The following SCIMP variants were observed in gnomAD, a reference collection of about 807,000 sequenced individuals.
SCIMP encodes the protein SLP adapter and CSK-interacting membrane protein.
In SCIMP, 18 loss-of-function variants were observed where a neutral mutation model predicts 22.0. That is an observed-to-expected ratio of 0.82 (90% CI 0.56 to 1.21). SCIMP has a LOEUF of 1.21. Among genes scored for constraint, SCIMP ranks in the 50% most tolerant of loss-of-function variants. The pLI, the probability that SCIMP is intolerant of heterozygous loss-of-function variation, is 0.00. For synonymous variants in SCIMP, 53 were observed against 62.2 expected (o/e 0.85, Z 0.70); for missense variants, 155 against 171.2 (o/e 0.91, Z 0.53).
intron 3 of SCIMP, among the ~76,000 whole-genome samples, chr17:5,218,587 G>C (rs1007182742): frequency 2.6e-5 from 4 of 151,990 alleles, no homozygotes; most frequent in African/African-American, 9.7e-5. Context: ...TGATCTGCCT[G>C]CATCGGCCTC....
chr17:5,217,075 C>T (rs1598158369), intron 3 of SCIMP, among the ~76,000 whole-genome samples: 1 of 152,056 alleles, frequency 6.6e-6, no homozygotes, highest in African/African-American at 2.4e-5. Context: ...GCTCCACCGG[C>T]GGCTCTCACC....
intron 1 of SCIMP, among the ~76,000 whole-genome samples, chr17:5,226,738 A>C (rs1001084486): frequency 3.3e-5 from 5 of 151,846 alleles, no homozygotes; most frequent in Non-Finnish European, 7.4e-5. Context: ...CGAACTCCTG[A>C]CCTCAGGTGA....
At chr17:5,224,449 T>C (rs1597291177) in intron 1 of SCIMP, among the ~76,000 whole-genome samples, 1 of 136,258 alleles carries the variant, frequency 7.3e-6, no homozygotes, top group African/African-American at 3.4e-5. Flanking sequence ...TTTTTTTGTT[T>C]GTTTGTTTGT....
At chr17:5,223,734 G>C in intron 1 of SCIMP, 1 of 373,130 alleles carries the variant, frequency 2.7e-6, no homozygotes, top group Non-Finnish European at 5.1e-6. Flanking sequence ...ATTTTTAGTA[G>C]AGATGGGGTT....
intron 1 of SCIMP, among the ~76,000 whole-genome samples, chr17:5,232,612 A>G (rs1015930344): frequency 3.3e-5 from 5 of 152,072 alleles, no homozygotes; most frequent in African/African-American, 1.2e-4. Context: ...TGTAGAGAAC[A>G]TTTAGGCCGG....
chr17:5,225,774 A>AC (rs1216647585), intron 1 of SCIMP, among the ~76,000 whole-genome samples: 4 of 151,834 alleles, frequency 2.6e-5, no homozygotes, highest in Admixed American at 1.3e-4. Context: ...AAAAAAAAAA[A>AC]AAACACCGAT....
chr17:5,217,408 G>C (rs1036053973), intron 3 of SCIMP, among the ~76,000 whole-genome samples: 2 of 151,272 alleles, frequency 1.3e-5, no homozygotes, highest in Non-Finnish European at 3.0e-5. Flanking sequence ...GTGTGTGTGT[G>C]TGTTTGTTTT....
At chr17:5,224,289 C>T (rs1045434302) in intron 1 of SCIMP, among the ~76,000 whole-genome samples, 24 of 151,942 alleles carry the variant, frequency 1.6e-4, no homozygotes, top group Non-Finnish European at 1.0e-4. Flanking sequence ...CGCCCACGAC[C>T]ACGCCCGGCT....
intron 4 of SCIMP, chr17:5,213,794 G>C (rs797007445): frequency 1.3e-5 from 2 of 152,330 alleles, no homozygotes; most frequent in South Asian, 2.1e-4. Flanking sequence ...ATTGCAGTGA[G>C]CTGAAATCAT....
intron 4 of SCIMP, chr17:5,214,488 G>A (rs986904119): frequency 5.2e-5 from 8 of 154,792 alleles, no homozygotes; most frequent in African/African-American, 1.2e-4. Flanking sequence ...CCTGGGAGGC[G>A]GAGCTTGCAG....
At chr17:5,229,903 C>CGGTCCTCTCCTCTCT (rs2074681207) in intron 1 of SCIMP, among the ~76,000 whole-genome samples, 1 of 150,240 alleles carries the variant, frequency 6.7e-6, no homozygotes, top group Non-Finnish European at 1.5e-5. Flanking sequence ...CTCTCCTCTC[C>CGGTCCTCTCCTCTCT]GGTCCTCTCC....
chr17:5,229,019 C>G (rs1222187992), intron 1 of SCIMP, among the ~76,000 whole-genome samples: 1 of 152,152 alleles, frequency 6.6e-6, no homozygotes, highest in African/African-American at 2.4e-5. Context: ...GACACGCGAC[C>G]CTGGGCAGGC....
At chr17:5,233,668 G>A (rs1045103091) in intron 1 of SCIMP, among the ~76,000 whole-genome samples, 5 of 152,090 alleles carry the variant, frequency 3.3e-5, no homozygotes, top group African/African-American at 1.2e-4. Context: ...ACCATGCCCC[G>A]CCTGCCTCTC....
intron 1 of SCIMP, among the ~76,000 whole-genome samples, chr17:5,231,994 T>C (rs2074700064): frequency 6.6e-6 from 1 of 151,938 alleles, no homozygotes; most frequent in Non-Finnish European, 1.5e-5. Context: ...AGGCGGAGCT[T>C]GCAGTGAGCC....
chr17:5,227,323 ACT>A (rs1555614638), intron 1 of SCIMP, among the ~76,000 whole-genome samples: 1 of 148,556 alleles, frequency 6.7e-6, no homozygotes, highest in Admixed American at 6.8e-5. Flanking sequence ...ACACACACAC[ACT>A]CTTACACTTA....
At chr17:5,233,275 C>T (rs576093842) in intron 1 of SCIMP, among the ~76,000 whole-genome samples, 2 of 152,286 alleles carry the variant, frequency 1.3e-5, no homozygotes, top group East Asian at 3.9e-4. Context: ...TGTACCTGGA[C>T]CATTGCATTT....
At chr17:5,225,868 G>A (rs1484013841) in intron 1 of SCIMP, among the ~76,000 whole-genome samples, 4 of 152,252 alleles carry the variant, frequency 2.6e-5, no homozygotes, top group South Asian at 2.1e-4. Context: ...TGACGTCTGG[G>A]GAGTTGGGGG....
intron 4 of SCIMP, 82 bp downstream of exon 4, chr17:5,214,838 TAAAAA>T (rs34085108): frequency 9.7e-3 from 4,334 of 449,030 alleles, no homozygotes; most frequent in Non-Finnish European, 0.011. Flanking sequence ...AGACTCCATC[TAAAAA>T]AAAAAAAAAA....
chr17:5,224,296 G>A (rs563437091), intron 1 of SCIMP, among the ~76,000 whole-genome samples: 11 of 151,928 alleles, frequency 7.2e-5, no homozygotes, highest in African/African-American at 9.7e-5. Flanking sequence ...GACCACGCCC[G>A]GCTGATTTTT....
Sources: allele counts gnomAD v4.1 joint callset (sites outside exome capture counted in the v4.1 genomes callset), GRCh38; gene constraint gnomAD v4.1.1; transcripts MANE v1.5; gene names NCBI Gene and HGNC (gene_info 2026-07-23, HGNC 2026-07-21).